ZNF808: variants seen among roughly 807,000 people sequenced by gnomAD.
The protein encoded by ZNF808 is zinc finger protein 808.
Under a neutral mutation model 8.7 loss-of-function variants are expected in ZNF808, and 5 were observed. The ratio of observed to expected loss-of-function variants is 0.58; its 90% CI spans 0.30 to 1.21. ZNF808 has a LOEUF of 1.21. Among genes scored for constraint, ZNF808 ranks in the 50% most tolerant of loss-of-function variants. ZNF808 has a pLI of 0.07. For missense variants in ZNF808, 1,103 were observed against 1,098.4 expected (o/e 1.00, Z -0.06); for synonymous variants, 380 against 366.0 (o/e 1.04, Z -0.44).
At chr19:52,538,352 A>AG (rs1401683005) in intron 2 of ZNF808, among the ~76,000 whole-genome samples, 1 of 131,588 alleles carries the variant, frequency 7.6e-6, no homozygotes, top group African/African-American at 2.5e-5. Flanking sequence ...TATTATTATT[A>AG]GTTTTTTGAG....
chr19:52,546,943 CTTTTTTTTTTTT>C (rs1172936091), intron 3 of ZNF808, among the ~76,000 whole-genome samples: 1 of 78,474 alleles, frequency 1.3e-5, no homozygotes, highest in Non-Finnish European at 2.5e-5. Flanking sequence ...CCTGGAATTG[CTTTTTTTTTTTT>C]TTTTTTTTTT....
intron 2 of ZNF808, among the ~76,000 whole-genome samples, chr19:52,540,187 T>A (rs1435195385): frequency 6.6e-6 from 1 of 152,092 alleles, no homozygotes; most frequent in Non-Finnish European, 1.5e-5. Context: ...AATGTTTGTA[T>A]TTTTAGTAGA....
intron 2 of ZNF808, among the ~76,000 whole-genome samples, chr19:52,542,181 A>T (rs986239970): frequency 1.3e-5 from 2 of 151,100 alleles, no homozygotes; most frequent in Non-Finnish European, 2.9e-5. Flanking sequence ...GCAACTTCTG[A>T]CTCCTGGGAT....
In ZNF808 at chr19:52,555,710, G is replaced by T; in HGVS notation, c.*82G>T. The T allele has an allele frequency of 6.5e-7, 1 of 1,536,368 alleles. No homozygotes were observed. The highest frequency in any genetic ancestry group is 8.8e-7 in the Non-Finnish European group (1 of 1,135,580). On this transcript the variant is annotated 3_prime_UTR_variant, in exon 5 of 5. Coordinates refer to ENST00000359798, the MANE Select transcript of ZNF808 (RefSeq NM_001039886.4). ...AATCCATGATGAAGAGAAATCTTCT[G>T]AGTGTAATAAATGTGGCATGTTTTT...
chr19:52,561,163 TCTCTCTCTCTCTCTC>T (rs1568494871), downstream of ZNF808, among the ~76,000 whole-genome samples: 862 of 67,010 alleles, frequency 0.013, 25 homozygotes, highest in African/African-American at 0.035. Flanking sequence ...ATCTGTTCTC[TCTCTCTCTCTCTCTC>T]TCTCTCTCTC....
At chr19:52,542,083 A>T (rs958752480) in intron 2 of ZNF808, among the ~76,000 whole-genome samples, 1 of 151,824 alleles carries the variant, frequency 6.6e-6, no homozygotes, top group African/African-American at 2.4e-5. Flanking sequence ...GAGTGAGAAG[A>T]TACATCACTT....
chr19:52,557,884 C>T (rs1405406498), downstream of ZNF808, among the ~76,000 whole-genome samples: 1 of 152,048 alleles, frequency 6.6e-6, no homozygotes, highest in Non-Finnish European at 1.5e-5. Flanking sequence ...CATCTCAGAC[C>T]TTGTCAGTGT....
chr19:52,559,896 A>G (rs1393077225), downstream of ZNF808, among the ~76,000 whole-genome samples: 4 of 152,070 alleles, frequency 2.6e-5, no homozygotes, highest in South Asian at 2.1e-4. Context: ...TTGTAACGGC[A>G]TGATGTGATG....
At chr19:52,546,152 A>G (rs2059717665) in intron 3 of ZNF808, among the ~76,000 whole-genome samples, 1 of 152,206 alleles carries the variant, frequency 6.6e-6, no homozygotes, top group African/African-American at 2.4e-5. Flanking sequence ...GAAGCATTCA[A>G]AAATGTTAGT....
chr19:52,537,360 A>G (rs893488887), intron 2 of ZNF808, among the ~76,000 whole-genome samples: 1 of 151,234 alleles, frequency 6.6e-6, no homozygotes, highest in African/African-American at 2.4e-5. Context: ...AGAATGAGAG[A>G]TATGTACAGA....
In ZNF808 at chr19:52,554,906, T is replaced by G; in HGVS notation, c.1990T>G (p.Ser664Ala). 1 of 1,614,174 alleles carries G rather than the reference T, an allele frequency of 6.2e-7. No homozygotes were observed. Among genetic ancestry groups the G allele is most frequent in the Non-Finnish European group, 8.5e-7 (1 of 1,180,024 alleles). ...GTGTGGGAAGACCTTCAGTTACAAGTCATCACTTGTATGGCATCGTAGACT... is the reference window on the plus strand; with the variant it reads ...GTGTGGGAAGACCTTCAGTTACAAGGCATCACTTGTATGGCATCGTAGACT... The part of the protein sequence containing the change: ...NECGKTFSYK[S>A]SLVWHRRLHG... Residue 664 changes from serine (S) to alanine (A), a missense_variant, in exon 5 of 5, where the codon TCA becomes GCA. By Grantham distance (99) the Ser-to-Ala change is moderately conservative. Coordinates refer to ENST00000359798, the MANE Select transcript of ZNF808 (RefSeq NM_001039886.4).
chr19:52,542,872 G>C (rs914937063), intron 2 of ZNF808, among the ~76,000 whole-genome samples: 5 of 151,282 alleles, frequency 3.3e-5, no homozygotes, highest in African/African-American at 1.2e-4. Context: ...GCAGTGGCAC[G>C]ATCTCGACTC....
At position 52,547,463 on chromosome 19, in the gene ZNF808, A is replaced by G. The variant is rs745455443; in HGVS notation, c.64-49A>G. ...CCTTTTCTCATTTCCTGTGAAGGTG[A>G]TAACTCAATCCTCCATAATGTTTTG... On this transcript the variant is annotated intron_variant, in intron 3 of 4. Coordinates refer to ENST00000359798, the MANE Select transcript of ZNF808 (RefSeq NM_001039886.4). The G allele has an allele frequency of 2.5e-6, 4 of 1,611,968 alleles. No homozygotes were observed. The South Asian group carries it at 4.4e-5, about 18-fold the overall frequency.
At chr19:52,558,750 G>T (rs1203267313), downstream of ZNF808, among the ~76,000 whole-genome samples, 1 of 152,210 alleles carries the variant, frequency 6.6e-6, no homozygotes, top group Non-Finnish European at 1.5e-5. Flanking sequence ...GAAAGAAGTA[G>T]ACATAAGAGA....
At chr19:52,552,862 T>C (rs149646825) in intron 4 of ZNF808, among the ~76,000 whole-genome samples, 12 of 152,352 alleles carry the variant, frequency 7.9e-5, no homozygotes, top group African/African-American at 2.9e-4. Flanking sequence ...TTTAGGCTTA[T>C]ACATATTTGT....
At chr19:52,560,361 A>T (rs909773181), downstream of ZNF808, among the ~76,000 whole-genome samples, 3 of 151,970 alleles carry the variant, frequency 2.0e-5, no homozygotes, top group Non-Finnish European at 4.4e-5. Context: ...ATAATTATTA[A>T]TATTATTATT....
rs1568492998 is a variant in ZNF808, at chr19:52,555,940, A to C, written c.*312A>C. On this transcript the variant is annotated 3_prime_UTR_variant, in exon 5 of 5. Transcript: ENST00000359798. ...CACCTCGTTGGACATCAGAGAATCC[A>C]TACTGGACAGAAATCTTGCAAATGT... The C allele has an allele frequency of 6.1e-6, 4 of 657,718 alleles. No individual in the cohort carries two copies. The highest frequency in any genetic ancestry group is 1.8e-5 in the African/African-American group (1 of 56,100). The allele number at this position is 657,718 out of a possible 1,614,324, so 40.7% of individuals were successfully genotyped here. A position where few individuals can be genotyped will look rare whatever the true frequency, so the allele number is the denominator to read the frequency against.
At position 52,553,812 on chromosome 19, in the gene ZNF808, A is replaced by G. The variant is rs368466365; in HGVS notation, c.896A>G (p.Lys299Arg). Residue 299 changes from lysine to arginine, a missense_variant, in exon 5 of 5, where the codon AAG becomes AGG. Physicochemically the swap from Lys to Arg is conservative, Grantham distance 26. Transcript: ENST00000359798. ...CKECGKSFSY[K>R]SSLTCHHRLH... ...GAGTGTGGAAAGTCCTTCAGTTACA[A>G]GTCATCCCTTACATGCCATCATAGA... The G allele has an allele frequency of 3.7e-6, 6 of 1,614,170 alleles. No homozygotes were observed. The highest frequency in any genetic ancestry group is 5.1e-6 in the Non-Finnish European group (6 of 1,180,026).
In ZNF808 at chr19:52,553,803, T is replaced by G. The variant is rs201415626; in HGVS notation, c.887T>G (p.Phe296Cys). 522 of 1,613,986 alleles carry G rather than the reference T, an allele frequency of 3.2e-4. 1 individual carries two copies. The highest frequency in any genetic ancestry group is 4.0e-4 in the Non-Finnish European group (476 of 1,180,014). Residue 296 changes from phenylalanine to cysteine, a missense_variant, in exon 5 of 5, where the codon TTC becomes TGC. By Grantham distance (205) the Phe-to-Cys change is radical. Coordinates refer to ENST00000359798, the MANE Select transcript of ZNF808 (RefSeq NM_001039886.4). Reference sequence around the variant, plus strand: ...AAGTGTAAAGAGTGTGGAAAGTCCTTCAGTTACAAGTCATCCCTTACATGC... The same window carrying G: ...AAGTGTAAAGAGTGTGGAAAGTCCTGCAGTTACAAGTCATCCCTTACATGC... Reference protein sequence around the residue: ...PYKCKECGKSFSYKSSLTCHH... With the variant: ...PYKCKECGKSCSYKSSLTCHH...
Sources: allele counts gnomAD v4.1 joint callset (sites outside exome capture counted in the v4.1 genomes callset), GRCh38; gene constraint gnomAD v4.1.1; transcripts MANE v1.5; gene names NCBI Gene and HGNC (gene_info 2026-07-23, HGNC 2026-07-21).